The following PARD3 variants were observed in gnomAD, a reference collection of about 807,000 sequenced individuals.
PARD3 encodes partitioning defective 3 homolog.
PARD3 carries 75 observed loss-of-function variants against 155.4 expected under a neutral mutation model. The ratio of observed to expected loss-of-function variants is 0.48; its 90% CI spans 0.40 to 0.58. The LOEUF is 0.58. Among genes scored for constraint, PARD3 ranks in the 20% least tolerant of loss-of-function variants. The pLI, the probability that PARD3 is intolerant of heterozygous loss-of-function variation, is 0.00. For missense variants in PARD3, 1,642 were observed against 1,721.7 expected, an observed-to-expected ratio of 0.95 and a Z score of 0.82; for synonymous variants, 576 against 610.5, an observed-to-expected ratio of 0.94 and a Z score of 0.83.
intron 2 of PARD3, among the ~76,000 whole-genome samples, chr10:34,681,985 T>C (rs962315337): frequency 1.3e-5 from 2 of 151,214 alleles, no homozygotes; most frequent in South Asian, 4.2e-4. Flanking sequence ...TTTACTTCAA[T>C]CTCTCAAGTC....
At chr10:34,469,149 C>T (rs889471332) in intron 4 of PARD3, among the ~76,000 whole-genome samples, 4 of 152,328 alleles carry the variant, frequency 2.6e-5, no homozygotes, top group East Asian at 3.9e-4. Context: ...CTCACTCTGT[C>T]GCCCAGGCTA....
chr10:34,531,829 A>G (rs892832740), intron 2 of PARD3, among the ~76,000 whole-genome samples: 3 of 152,218 alleles, frequency 2.0e-5, no homozygotes, highest in Admixed American at 1.3e-4. Flanking sequence ...CAAGGTTTAC[A>G]GTTTCATATT....
chr10:34,446,615 A>G (rs1418306275), intron 5 of PARD3, among the ~76,000 whole-genome samples: 1 of 152,230 alleles, frequency 6.6e-6, no homozygotes, highest in Non-Finnish European at 1.5e-5. Flanking sequence ...AGATACTAAT[A>G]TCAATTAGTT....
chr10:34,129,685 T>TTTTTTTTTTTTTTG (rs1564416186), intron 23 of PARD3, among the ~76,000 whole-genome samples: 1 of 91,064 alleles, frequency 1.1e-5, no homozygotes, highest in Non-Finnish European at 2.7e-5. Flanking sequence ...CCTTTTTTTT[T>TTTTTTTTTTTTTTG]GTAATGTCAA....
intron 5 of PARD3, among the ~76,000 whole-genome samples, chr10:34,415,241 A>C (rs1763627240): frequency 6.6e-6 from 1 of 152,120 alleles, no homozygotes; most frequent in Non-Finnish European, 1.5e-5. Context: ...TGTTGCACAA[A>C]CACTCCCACC....
chr10:34,680,272 C>T (rs2093786348), intron 2 of PARD3, among the ~76,000 whole-genome samples: 1 of 151,996 alleles, frequency 6.6e-6, no homozygotes, highest in Non-Finnish European at 1.5e-5. Flanking sequence ...AGATACAGTA[C>T]ATTCAGGCCA....
chr10:34,317,525 C>CT (rs1958083241), intron 19 of PARD3, among the ~76,000 whole-genome samples, 187 bp from the exon 20 acceptor site: 1 of 152,134 alleles, frequency 6.6e-6, no homozygotes, highest in East Asian at 1.9e-4. Context: ...TGGATGCCTC[C>CT]TACGTGAAGA....
chr10:34,399,663 G>A (rs1843691794), intron 6 of PARD3, among the ~76,000 whole-genome samples: 1 of 152,158 alleles, frequency 6.6e-6, no homozygotes, highest in East Asian at 1.9e-4. Context: ...GCAATCATCA[G>A]AGATAACTAC....
At chr10:34,232,656 G>A (rs887248654) in intron 22 of PARD3, among the ~76,000 whole-genome samples, 1 of 152,144 alleles carries the variant, frequency 6.6e-6, no homozygotes, top group Non-Finnish European at 1.5e-5. Flanking sequence ...AAGTAACTGG[G>A]AAGGGTAGGT....
At chr10:34,539,625 C>A (rs780975499) in intron 2 of PARD3, among the ~76,000 whole-genome samples, 2 of 152,216 alleles carry the variant, frequency 1.3e-5, no homozygotes, top group Non-Finnish European at 2.9e-5. Context: ...CACGACACTG[C>A]ACTCCAGTTT....
chr10:34,186,237 G>A (rs1248045985), intron 22 of PARD3, among the ~76,000 whole-genome samples: 1 of 151,820 alleles, frequency 6.6e-6, no homozygotes, highest in Non-Finnish European at 1.5e-5. Context: ...GCTCACGCCT[G>A]TAATCCCAGC....
At chr10:34,562,586 T>C (rs536376193) in intron 2 of PARD3, among the ~76,000 whole-genome samples, 10 of 152,306 alleles carry the variant, frequency 6.6e-5, no homozygotes, top group African/African-American at 1.9e-4. Flanking sequence ...AGAAATTTCA[T>C]GGGACAATTC....
chr10:34,796,660 G>A (rs982161573), intron 1 of PARD3, among the ~76,000 whole-genome samples: 1 of 152,198 alleles, frequency 6.6e-6, no homozygotes, highest in African/African-American at 2.4e-5. Context: ...TCAAAGAACT[G>A]CACTTTGCAG....
At chr10:34,161,423 G>A (rs1437772162) in intron 22 of PARD3, among the ~76,000 whole-genome samples, 1 of 151,966 alleles carries the variant, frequency 6.6e-6, no homozygotes, top group Non-Finnish European at 1.5e-5. Context: ...ATGCCTACAT[G>A]ACCTAGGGCA....
chr10:34,444,165 C>A (rs1238212148), intron 5 of PARD3, among the ~76,000 whole-genome samples: 1 of 152,166 alleles, frequency 6.6e-6, no homozygotes, highest in Non-Finnish European at 1.5e-5. Context: ...GTGCCTTGTG[C>A]CTCTCTGCTG....
chr10:34,542,234 T>TGTGTGTGTGTGTAC (rs143582528), intron 2 of PARD3, among the ~76,000 whole-genome samples: 5 of 146,198 alleles, frequency 3.4e-5, no homozygotes, highest in Non-Finnish European at 7.5e-5. Flanking sequence ...TGTGTGTGTG[T>TGTGTGTGTGTGTAC]GTGTGCACAC....
chr10:34,288,164 T>C (rs1418333451), intron 20 of PARD3, among the ~76,000 whole-genome samples: 3 of 152,158 alleles, frequency 2.0e-5, no homozygotes, highest in South Asian at 2.1e-4. Context: ...TGATCCATGA[T>C]TGTGCCACTG....
chr10:34,736,044 CTTTT>C (rs1055552438), intron 1 of PARD3, among the ~76,000 whole-genome samples: 51 of 151,076 alleles, frequency 3.4e-4, no homozygotes, highest in Non-Finnish European at 3.7e-4. Flanking sequence ...TTTTTTCTTT[CTTTT>C]GAGACAAGAG....
At chr10:34,585,274 T>C (rs554395928) in intron 2 of PARD3, among the ~76,000 whole-genome samples, 1 of 152,312 alleles carries the variant, frequency 6.6e-6, no homozygotes, top group South Asian at 2.1e-4. Context: ...TATAGCCTTT[T>C]TAAAATTAAG....
Sources: gnomAD v4.1 joint callset for allele counts (sites outside exome capture counted in the v4.1 genomes callset) on GRCh38, gnomAD v4.1.1 for gene constraint, MANE v1.5 for transcripts, NCBI Gene and HGNC (gene_info 2026-07-23, HGNC 2026-07-21) for gene names.